PXDN: variants seen among roughly 807,000 people sequenced by gnomAD.
The protein encoded by PXDN is peroxidasin homolog.
Under a neutral mutation model 140.3 loss-of-function variants are expected in PXDN, and 77 were observed. The ratio of observed to expected loss-of-function variants is 0.55; its 90% confidence interval spans 0.46 to 0.66. The LOEUF is 0.66. PXDN is among the 30% of genes least tolerant of loss of function. The pLI is 0.00. For synonymous variants in PXDN, 911 were observed against 857.4 expected (o/e 1.06, Z -1.09); for missense variants, 1,838 against 2,039.5 (o/e 0.90, Z 1.90).
At chr2:1,691,031 A>G (rs540777404) in intron 3 of PXDN, among the ~76,000 whole-genome samples, 8 of 152,212 alleles carry the variant, frequency 5.3e-5, no homozygotes, top group Non-Finnish European at 1.0e-4. Flanking sequence ...GGTGCAGCAA[A>G]GCACCATGGC....
intron 10 of PXDN, 49 bp from the exon 11 acceptor site, chr2:1,665,123 G>A: frequency 1.4e-6 from 2 of 1,384,340 alleles, no homozygotes; most frequent in Non-Finnish European, 1.0e-6. Context: ...AACAGCCTGG[G>A]GTAAAAACGC....
At chr2:1,637,882 G>T (rs1335513087) in intron 21 of PXDN, among the ~76,000 whole-genome samples, 2 of 11,492 alleles carry the variant, frequency 1.7e-4, no homozygotes, top group African/African-American at 3.0e-4. Context: ...CTTGCACCTG[G>T]TCTCTAGGTT....
chr2:1,658,024 TGG>T (rs1468566952), intron 14 of PXDN, among the ~76,000 whole-genome samples: 1 of 108,766 alleles, frequency 9.2e-6, no homozygotes, highest in African/African-American at 4.0e-5. Context: ...ATTTCAGCTG[TGG>T]GCTCTCTCTC....
intron 1 of PXDN, among the ~76,000 whole-genome samples, chr2:1,716,505 C>T (rs1041108554): frequency 2.0e-5 from 3 of 148,136 alleles, no homozygotes; most frequent in Non-Finnish European, 3.0e-5. Context: ...CCCAGGACTG[C>T]GGCAAGGACT....
chr2:1,693,225 AT>A, intron 1 of PXDN, 91 bp from the exon 2 acceptor site: 1 of 1,077,152 alleles, frequency 9.3e-7, no homozygotes, highest in Non-Finnish European at 1.3e-6. Flanking sequence ...AATGGTGACA[AT>A]GCATTTAAAA....
intron 1 of PXDN, among the ~76,000 whole-genome samples, chr2:1,724,293 AAAGT>A (rs1485060978): frequency 6.7e-6 from 1 of 149,882 alleles, no homozygotes; most frequent in African/African-American, 2.4e-5. Flanking sequence ...TATTTTATTT[AAAGT>A]AAGTCTGAAT....
chr2:1,726,534 C>T (rs1025330026), intron 1 of PXDN, among the ~76,000 whole-genome samples: 14 of 151,940 alleles, frequency 9.2e-5, no homozygotes, highest in African/African-American at 3.4e-4. Flanking sequence ...ACATATGTAA[C>T]TAACCTGCAC....
At chr2:1,680,903 GT>G (rs1683885110) in intron 6 of PXDN, among the ~76,000 whole-genome samples, 2 of 152,178 alleles carry the variant, frequency 1.3e-5, no homozygotes, top group Non-Finnish European at 2.9e-5. Context: ...GTTTCCTGAG[GT>G]CCAAGCTGAC....
intron 1 of PXDN, among the ~76,000 whole-genome samples, chr2:1,736,677 AT>A (rs966636753): frequency 8.7e-5 from 12 of 138,624 alleles, no homozygotes; most frequent in East Asian, 3.0e-4. Flanking sequence ...TTAAAAAGAA[AT>A]TTAAAAAAAA....
Position 1,648,106 on chromosome 2 carries a change from C to A in PXDN, c.3608+66G>T. 6.5e-7 allele frequency: 1 copy of A among 1,542,426 alleles called. No individual in the cohort carries two copies. Among genetic ancestry groups the A allele is most frequent in the Non-Finnish European group, 8.8e-7 (1 of 1,133,840 alleles). On this transcript the variant is annotated intron_variant, in intron 17 of 22. Coordinates refer to ENST00000252804, the MANE Select transcript of PXDN (RefSeq NM_012293.3). This position sits in a 1 kb window ranked among gnomAD's most constrained non-coding sequence, Gnocchi z 8.9. ...CACACACAGAGACAAATAACACACA[C>A]ACCACAGTTCAGGTGTTCCAGGTGC...
chr2:1,648,118 G>A lies in PXDN; in HGVS notation c.3608+54C>T, dbSNP rs1682895998. On this transcript the variant is annotated intron_variant, in intron 17 of 22. Coordinates refer to ENST00000252804, the MANE Select transcript of PXDN (RefSeq NM_012293.3). The surrounding 1 kb of genome is among the most constrained non-coding windows in gnomAD (Gnocchi z 8.9). ...CAAATAACACACACACCACAGTTCA[G>A]GTGTTCCAGGTGCCTAGGTACACGA... The A allele has an allele frequency of 1.3e-6, 2 of 1,562,862 alleles. No homozygotes were observed. The highest frequency in any genetic ancestry group is 2.4e-5 in the South Asian group (2 of 84,050).
At chr2:1,743,647 G>C (rs868145334) in intron 1 of PXDN, among the ~76,000 whole-genome samples, 1 of 141,966 alleles carries the variant, frequency 7.0e-6, no homozygotes, top group South Asian at 2.3e-4. Context: ...GAGAAGGAAG[G>C]GGGGGAGGAG....
rs1284512243 is a variant in PXDN at position 1,744,356 on chromosome 2, C to T, written c.100G>A (p.Ala34Thr). 2 of 1,527,038 alleles carry T rather than the reference C, an allele frequency of 1.3e-6. No homozygotes were observed. Among genetic ancestry groups the T allele is most frequent in the East Asian group, 2.5e-5 (1 of 40,018 alleles). 94.6% of individuals were successfully genotyped at this position (1,527,038 alleles called of 1,614,324 possible). The change falls in exon 1 of 23, where the codon GCA becomes ACA. Residue 34 changes from alanine (A) to threonine (T), a missense_variant. This residue lies in a region of PXDN where 231 missense variants were observed against 201.5 expected (regional missense o/e 1.15). Coordinates refer to ENST00000252804, the MANE Select transcript of PXDN (RefSeq NM_012293.3). The stretch of plus-strand genomic sequence containing the variant: ...CACAGGCAGCGGCTCGGACACCCTG[C>T]GCCCGGCTTCTGGGCCACCACGGCC... The part of the protein sequence containing the change: ...TLAVVAQKPG[A>T]GCPSRCLCFR...
Position 1,639,248 on chromosome 2 carries a change from G to A in PXDN, c.4073+54C>T, listed in dbSNP as rs1682654347. The A allele has an allele frequency of 1.5e-5, 24 of 1,572,596 alleles. No homozygotes were observed. Among genetic ancestry groups the A allele is most frequent in the Middle Eastern group, 1.9e-4 (1 of 5,346 alleles). On this transcript the variant is annotated intron_variant, in intron 20 of 22. Transcript: ENST00000252804. The surrounding 1 kb of genome is among the most constrained non-coding windows in gnomAD (Gnocchi z 5.0). The stretch of plus-strand genomic sequence containing the variant: ...CAGGATGCCGGTCCTACTGCCCGAC[G>A]CCCGCGGTGCGAGGGCCCCTCTGCA...
At chr2:1,690,283 T>G (rs1684156165) in intron 3 of PXDN, among the ~76,000 whole-genome samples, 1 of 152,096 alleles carries the variant, frequency 6.6e-6, no homozygotes. Context: ...TCCACCCCAG[T>G]GATCTGTGTC....
intron 22 of PXDN, among the ~76,000 whole-genome samples, chr2:1,634,863 G>A (rs1244930140): frequency 6.6e-6 from 1 of 152,190 alleles, no homozygotes; most frequent in Non-Finnish European, 1.5e-5. Flanking sequence ...CTCACACTAT[G>A]CCCCAAGCTT....
At chr2:1,727,265 G>A (rs571351055) in intron 1 of PXDN, among the ~76,000 whole-genome samples, 1 of 152,236 alleles carries the variant, frequency 6.6e-6, no homozygotes, top group Admixed American at 6.5e-5. Flanking sequence ...CCCTCCTCCT[G>A]AGCCTTGGAC....
chr2:1,700,980 C>T (rs1684411582), intron 1 of PXDN, among the ~76,000 whole-genome samples: 1 of 152,132 alleles, frequency 6.6e-6, no homozygotes, highest in African/African-American at 2.4e-5. Context: ...GAATTATAAC[C>T]GATGCCACAC....
At chr2:1,694,598 C>A (rs879809158) in intron 1 of PXDN, among the ~76,000 whole-genome samples, 1 of 152,234 alleles carries the variant, frequency 6.6e-6, no homozygotes, top group Non-Finnish European at 1.5e-5. Flanking sequence ...CCACTGTCCA[C>A]CAACAGTCTC....
Sources: gnomAD v4.1 joint callset for allele counts (sites outside exome capture counted in the v4.1 genomes callset) on GRCh38, gnomAD v4.1.1 for gene constraint, gnomAD v4.1.1 regional missense constraint, Gnocchi (gnomAD v3.1) non-coding constraint, MANE v1.5 for transcripts, NCBI Gene and HGNC (gene_info 2026-07-23, HGNC 2026-07-21) for gene names.